NUP155: variants seen among roughly 807,000 people sequenced by gnomAD.
NUP155 encodes the protein nuclear pore complex protein Nup155.
In NUP155, 71 loss-of-function variants were observed where a neutral mutation model predicts 180.4. That is an observed-to-expected ratio of 0.39 (90% CI 0.33 to 0.48). The LOEUF is 0.48. NUP155 is among the 20% of genes least tolerant of loss of function. The pLI is 0.91. For missense variants in NUP155, 1,553 were observed against 1,648.9 expected (o/e 0.94, Z 1.01); for synonymous variants, 582 against 559.5 (o/e 1.04, Z -0.57).
intron 20 of NUP155, among the ~76,000 whole-genome samples, chr5:37,319,478 C>A (rs765833787): frequency 6.6e-6 from 1 of 152,182 alleles, no homozygotes; most frequent in African/African-American, 2.4e-5. Flanking sequence ...ATGATATGAT[C>A]ATCTCTGTAA....
intron 20 of NUP155, among the ~76,000 whole-genome samples, chr5:37,320,235 T>C (rs1408388312): frequency 6.6e-6 from 1 of 151,956 alleles, no homozygotes; most frequent in South Asian, 2.1e-4. Flanking sequence ...CCCAGCACTT[T>C]GGGAGGCTGA....
In NUP155 at chr5:37,352,882, AGAGT is replaced by A. The variant is rs137959494; in HGVS notation, c.464-57_464-54del. On this transcript the variant is annotated intron_variant, in intron 4 of 34. Transcript: ENST00000231498. The stretch of plus-strand genomic sequence containing the variant: ...ATACTTTCAGCATTTAAGCACTAAC[AGAGT>A]AAGCTTTTATTACCATTAAAGTGAG... 7.5e-3 allele frequency: 9,444 copies of A among 1,253,594 alleles called. 533 individuals carry two copies. The African/African-American group carries it at 0.12, about 16-fold the overall frequency. The allele number at this position is 1,253,594 out of a possible 1,614,324, so 77.7% of individuals were successfully genotyped here.
chr5:37,294,026 A>AAAAAAAAAAAAAAAAAAAT (rs1742383768), intron 33 of NUP155, among the ~76,000 whole-genome samples: 2 of 76,068 alleles, frequency 2.6e-5, no homozygotes, highest in Non-Finnish European at 4.2e-5. Flanking sequence ...AAAAAAAAAA[A>AAAAAAAAAAAAAAAAAAAT]AATAAAGCAA....
At chr5:37,298,279 T>C (rs1047876385) in intron 32 of NUP155, among the ~76,000 whole-genome samples, 1 of 151,896 alleles carries the variant, frequency 6.6e-6, no homozygotes, top group African/African-American at 2.4e-5. Flanking sequence ...TTTTCATGTC[T>C]CTCAATATTT....
chr5:37,360,376 T>G (rs1051825367), intron 3 of NUP155, among the ~76,000 whole-genome samples: 8 of 151,936 alleles, frequency 5.3e-5, no homozygotes, highest in African/African-American at 1.9e-4. Context: ...TCCCAGCTAC[T>G]CAGGAGGCTG....
At chr5:37,369,779 T>C (rs897239245) in intron 1 of NUP155, among the ~76,000 whole-genome samples, 3 of 152,226 alleles carry the variant, frequency 2.0e-5, no homozygotes, top group Non-Finnish European at 4.4e-5. Context: ...TTAGATTACT[T>C]TGGTTCTTGC....
intron 32 of NUP155, among the ~76,000 whole-genome samples, chr5:37,296,315 C>A (rs13166962): frequency 0.17 from 26,275 of 151,956 alleles, 2,656 homozygotes; most frequent in East Asian, 0.3. Context: ...GGAGACTTTT[C>A]ATTTTGTTCT....
At chr5:37,296,636 C>T (rs1490081166) in intron 32 of NUP155, among the ~76,000 whole-genome samples, 7 of 151,720 alleles carry the variant, frequency 4.6e-5, no homozygotes, top group African/African-American at 1.7e-4. Flanking sequence ...CACTATTGTC[C>T]TGTGACCCTG....
At chr5:37,361,880 G>T (rs915849945) in intron 3 of NUP155, among the ~76,000 whole-genome samples, 3 of 151,958 alleles carry the variant, frequency 2.0e-5, no homozygotes, top group African/African-American at 7.3e-5. Flanking sequence ...TTGTAGGTGG[G>T]GTCTTTGAAA....
rs768613922 is a variant in NUP155, at chr5:37,303,319, C to T, written c.3258G>A (p.Glu1086=). Residue 1086 remains glutamate (E), a synonymous_variant, in exon 28 of 35, where the codon GAG becomes GAA. Transcript: ENST00000231498. ...CAGCATTACTGAAACTTCTGTTCTT[C>T]TCGTAATACCGCCAGAGTAAATCCA... is the stretch of plus-strand genomic sequence containing the variant. ...RYMDLLWRYY[E]KNRSFSNAAR... is the part of the protein sequence containing the mutation. 2 of 1,614,140 alleles carry T rather than the reference C, an allele frequency of 1.2e-6. No individual in the cohort carries two copies. The highest frequency in any genetic ancestry group is 1.7e-6 in the Non-Finnish European group (2 of 1,180,006).
intron 9 of NUP155, among the ~76,000 whole-genome samples, chr5:37,345,908 C>CA (rs35161106): frequency 0.057 from 3,823 of 66,866 alleles, 106 homozygotes; most frequent in Middle Eastern, 0.13. Context: ...GATTCCATCT[C>CA]AAAAAAAAAA....
At chr5:37,318,124 C>T (rs1000399514) in intron 20 of NUP155, 39 bp from the exon 21 acceptor site, 10 of 1,071,406 alleles carry the variant, frequency 9.3e-6, no homozygotes, top group Admixed American at 8.4e-5. Flanking sequence ...TTTATAACAG[C>T]TTTATTGAGA....
intron 2 of NUP155, 74 bp from the exon 3 acceptor site, chr5:37,364,058 T>C (rs1054881877): frequency 7.8e-7 from 1 of 1,283,930 alleles, no homozygotes; most frequent in African/African-American, 1.5e-5. Context: ...AGCTTTTGAC[T>C]TAATATTTAC....
chr5:37,355,986 T>C (rs1337100228), intron 4 of NUP155, among the ~76,000 whole-genome samples: 1 of 151,820 alleles, frequency 6.6e-6, no homozygotes, highest in African/African-American at 2.4e-5. Flanking sequence ...CCCAAACACT[T>C]TGGGAGGCCG....
rs577723519 is a variant in NUP155 at position 37,327,776 on chromosome 5, C to A, written c.1877G>T (p.Gly626Val). Residue 626 changes from glycine (G) to valine (V), a missense_variant and splice_region_variant, in exon 18 of 35, where the codon GGT becomes GTT. Physicochemically the swap from Gly to Val is moderately radical, Grantham distance 109. Coordinates refer to ENST00000231498, the MANE Select transcript of NUP155 (RefSeq NM_153485.3). ...AGTTGACATGGCAGGAGGCTGTATACCTTGTACACACATAAGAAAAACAAA... is the reference window on the plus strand; with the variant it reads ...AGTTGACATGGCAGGAGGCTGTATAACTTGTACACACATAAGAAAAACAAA... Reference protein sequence around the residue: ...NPSFLGTPSHGIQPPAMSTPV... With the variant: ...NPSFLGTPSHVIQPPAMSTPV... The A allele has an allele frequency of 1.5e-5, 25 of 1,613,958 alleles. No individual in the cohort carries two copies. Among genetic ancestry groups the A allele is most frequent in the Non-Finnish European group, 2.0e-5 (24 of 1,179,932 alleles).
chr5:37,336,879 G>T (rs1745363527), intron 12 of NUP155, among the ~76,000 whole-genome samples: 1 of 152,168 alleles, frequency 6.6e-6, no homozygotes, highest in South Asian at 2.1e-4. Context: ...ATCTGGAAGG[G>T]TTCAAATTTA....
rs992652729 is a variant in NUP155 at position 37,316,431 on chromosome 5, G to T, written c.2305+1557C>A. On this transcript the variant is annotated intron_variant, in intron 21 of 34. Coordinates refer to ENST00000231498, the MANE Select transcript of NUP155 (RefSeq NM_153485.3). Reference sequence around the variant, plus strand: ...GGACCTAGGATAGGGGAAAAAAATGGGGGGTTATTATTTCATGGGTACAGA... The same window carrying T: ...GGACCTAGGATAGGGGAAAAAAATGTGGGGTTATTATTTCATGGGTACAGA... 7.2e-5 allele frequency among the ~76,000 whole-genome samples: 11 copies of T among 152,074 alleles called. 1 individual carries two copies.
intron 19 of NUP155, among the ~76,000 whole-genome samples, chr5:37,324,634 G>A (rs956818949): frequency 2.6e-5 from 4 of 151,886 alleles, no homozygotes; most frequent in Non-Finnish European, 5.9e-5. Context: ...TCTTACTGCA[G>A]CCTTGACTTC....
intron 13 of NUP155, among the ~76,000 whole-genome samples, chr5:37,332,168 C>CAAAA (rs11305356): frequency 5.0e-5 from 5 of 100,118 alleles, no homozygotes; most frequent in Non-Finnish European, 8.7e-5. Flanking sequence ...TCAATTTAGG[C>CAAAA]AAAAAAAAAA....
Sources: gnomAD v4.1 joint callset for allele counts (sites outside exome capture counted in the v4.1 genomes callset) on GRCh38, gnomAD v4.1.1 for gene constraint, MANE v1.5 for transcripts, NCBI Gene and HGNC (gene_info 2026-07-23, HGNC 2026-07-21) for gene names.